Variants in PABPC4L observed in about 807,000 individuals in gnomAD.
PABPC4L encodes polyadenylate-binding protein 4-like.
For missense variants in PABPC4L, 452 were observed against 451.4 expected, an observed-to-expected ratio of 1.00 and a Z score of -0.01; for synonymous variants, 169 against 164.1, an observed-to-expected ratio of 1.03 and a Z score of -0.23.
At chr4:133,954,599 T>C in the PABPC4L span, among the ~76,000 whole-genome samples, 2 of 152,154 alleles carry the variant, frequency 1.3e-5, no homozygotes, top group Non-Finnish European at 2.9e-5. Context: ...AAGGGGTCTC[T>C]TTAGTTCCCT....
the PABPC4L span, among the ~76,000 whole-genome samples, chr4:134,089,027 G>T: frequency 6.6e-6 from 1 of 151,894 alleles, no homozygotes; most frequent in Non-Finnish European, 1.5e-5. Flanking sequence ...CTATCTTCTT[G>T]CTTTAAAAGA....
At chr4:134,120,382 ATT>A in the PABPC4L span, among the ~76,000 whole-genome samples, 1 of 148,154 alleles carries the variant, frequency 6.7e-6, no homozygotes, top group Non-Finnish European at 1.5e-5. Flanking sequence ...TATTGTGTGT[ATT>A]TAATACTTCC....
Position 134,198,144 on chromosome 4 carries a change from A to G in PABPC4L, c.*1763T>C, listed in dbSNP as rs1332824444. The G allele has an allele frequency of 6.6e-6, 1 of 151,716 alleles. No individual in the cohort carries two copies. The highest frequency in any genetic ancestry group is 1.5e-5 in the Non-Finnish European group (1 of 67,656). The allele number at this position is 151,716 out of a possible 1,614,324, so 9.4% of individuals were successfully genotyped here. On this transcript the variant is annotated 3_prime_UTR_variant, in exon 2 of 2. Transcript: ENST00000421491. ...AGTCACTCAGATTATAAGACAAATA[A>G]TTATTGTGAGCATAAAAGTTGACCA... is the stretch of plus-strand genomic sequence containing the variant.
chr4:134,157,116 T>A, the PABPC4L span, among the ~76,000 whole-genome samples: 2 of 151,876 alleles, frequency 1.3e-5, no homozygotes, highest in African/African-American at 4.8e-5. Context: ...AGCCCCATTT[T>A]AATTTTGAGA....
the PABPC4L span, among the ~76,000 whole-genome samples, chr4:134,144,578 T>C: frequency 9.3e-6 from 1 of 107,534 alleles, no homozygotes; most frequent in East Asian, 1.7e-3. Context: ...GCCTACCAGG[T>C]TAAAAAAAAA....
the PABPC4L span, among the ~76,000 whole-genome samples, chr4:134,176,256 T>G: frequency 6.6e-6 from 1 of 152,088 alleles, no homozygotes; most frequent in East Asian, 1.9e-4. Context: ...TATTAATAGA[T>G]AAATGATTAT....
the PABPC4L span, among the ~76,000 whole-genome samples, chr4:134,136,941 A>G: frequency 6.6e-6 from 1 of 152,138 alleles, no homozygotes; most frequent in East Asian, 1.9e-4. Flanking sequence ...AGAACGGATG[A>G]TGAGAGGAGG....
the PABPC4L span, among the ~76,000 whole-genome samples, chr4:134,184,333 A>G: frequency 6.6e-6 from 1 of 151,996 alleles, no homozygotes; most frequent in South Asian, 2.1e-4. Context: ...AACAAAAAAA[A>G]TTCCAAGTGG....
At position 134,197,082 on chromosome 4, in the gene PABPC4L, G is replaced by C. The variant is rs1022643122; in HGVS notation, c.*2825C>G. 2 of 151,684 alleles carry C rather than the reference G, an allele frequency of 1.3e-5. No individual in the cohort carries two copies. Among genetic ancestry groups the C allele is most frequent in the Non-Finnish European group, 3.0e-5 (2 of 67,644 alleles). 9.4% of individuals were successfully genotyped at this position (151,684 alleles called of 1,614,324 possible). The stretch of plus-strand genomic sequence containing the variant: ...TAGATTATCCAGAACAAGATGTCAA[G>C]GCCAGGCACACTTAATACACTTTCC... On this transcript the variant is annotated 3_prime_UTR_variant, in exon 2 of 2. Transcript: ENST00000421491.
chr4:134,029,691 TTTAA>T, the PABPC4L span, among the ~76,000 whole-genome samples: 2 of 151,866 alleles, frequency 1.3e-5, no homozygotes, highest in African/African-American at 4.8e-5. Flanking sequence ...AATTTAGAAT[TTTAA>T]TTGTTACTTA....
At chr4:134,006,981 A>G in the PABPC4L span, among the ~76,000 whole-genome samples, 1 of 151,912 alleles carries the variant, frequency 6.6e-6, no homozygotes, top group African/African-American at 2.4e-5. Context: ...CTATTACTAC[A>G]TCAGTTATAA....
chr4:134,113,684 T>C, the PABPC4L span, among the ~76,000 whole-genome samples: 3 of 151,594 alleles, frequency 2.0e-5, no homozygotes, highest in African/African-American at 4.8e-5. Flanking sequence ...ATTAGAGAAA[T>C]AGAGGTAACT....
the PABPC4L span, among the ~76,000 whole-genome samples, chr4:134,055,262 A>G: frequency 2.0e-5 from 3 of 151,992 alleles, no homozygotes; most frequent in Admixed American, 6.6e-5. Flanking sequence ...AAAGTGCACT[A>G]TATAGGAGGG....
the PABPC4L span, among the ~76,000 whole-genome samples, chr4:134,085,307 T>C: frequency 6.6e-6 from 1 of 152,236 alleles, no homozygotes; most frequent in Admixed American, 6.5e-5. Flanking sequence ...CATATGTGCA[T>C]GTACATAAAA....
chr4:134,003,882 G>A, the PABPC4L span, among the ~76,000 whole-genome samples: 1 of 151,936 alleles, frequency 6.6e-6, no homozygotes, highest in East Asian at 1.9e-4. Flanking sequence ...ATGTGTGAAG[G>A]TGTTGAAGCA....
chr4:134,074,599 T>G, the PABPC4L span, among the ~76,000 whole-genome samples: 1 of 152,144 alleles, frequency 6.6e-6, no homozygotes, highest in Non-Finnish European at 1.5e-5. Context: ...CTAGTACCAA[T>G]TTACTGTATT....
the PABPC4L span, among the ~76,000 whole-genome samples, chr4:134,186,603 A>G: frequency 6.6e-6 from 1 of 152,160 alleles, no homozygotes; most frequent in Non-Finnish European, 1.5e-5. Flanking sequence ...AAGAAAACCT[A>G]TGAAATACCA....
the PABPC4L span, among the ~76,000 whole-genome samples, chr4:134,031,796 T>C: frequency 6.6e-6 from 1 of 151,904 alleles, no homozygotes; most frequent in African/African-American, 2.4e-5. Context: ...AAAATCATTT[T>C]GCAATGGAGA....
the PABPC4L span, among the ~76,000 whole-genome samples, chr4:134,081,785 C>T: frequency 6.6e-6 from 1 of 151,980 alleles, no homozygotes; most frequent in African/African-American, 2.4e-5. Flanking sequence ...TTAGAAAAAC[C>T]TGAATAAAAT....
Sources: gnomAD v4.1 joint callset for allele counts (sites outside exome capture counted in the v4.1 genomes callset) on GRCh38, gnomAD v4.1.1 for gene constraint, MANE v1.5 for transcripts, NCBI Gene and HGNC (gene_info 2026-07-23, HGNC 2026-07-21) for gene names.